The following ZCCHC7 variants were observed in gnomAD, a reference collection of about 807,000 sequenced individuals.
ZCCHC7 encodes the protein zinc finger CCHC-type containing 7.
In ZCCHC7, 35 loss-of-function variants were observed where a neutral mutation model predicts 52.0. The observed-to-expected ratio is 0.67, with a 90% CI of 0.51 to 0.89. The LOEUF is 0.89. ZCCHC7 is among the 40% of genes least tolerant of loss of function. ZCCHC7 has a pLI of 0.00. For missense variants in ZCCHC7, 574 were observed against 649.1 expected (o/e 0.88, Z 1.26); for synonymous variants, 217 against 221.5 (o/e 0.98, Z 0.18).
At chr9:37,315,229 T>A (rs1378341962) in intron 5 of ZCCHC7, among the ~76,000 whole-genome samples, 2 of 152,092 alleles carry the variant, frequency 1.3e-5, no homozygotes. Flanking sequence ...CATACCAGGC[T>A]CTTAACATTG....
At chr9:37,144,705 C>T (rs1271131458) in intron 2 of ZCCHC7, among the ~76,000 whole-genome samples, 4 of 151,936 alleles carry the variant, frequency 2.6e-5, no homozygotes, top group African/African-American at 9.7e-5. Flanking sequence ...ATTCTATCAT[C>T]CAGGTGTTAC....
At chr9:37,122,009 G>A (rs1842336722) in intron 1 of ZCCHC7, among the ~76,000 whole-genome samples, 5 of 152,192 alleles carry the variant, frequency 3.3e-5, no homozygotes, top group Admixed American at 3.3e-4. Context: ...ATTTTACTTT[G>A]AAAGTAAAGT....
At chr9:37,306,921 G>A (rs1829354025) in intron 5 of ZCCHC7, among the ~76,000 whole-genome samples, 1 of 150,806 alleles carries the variant, frequency 6.6e-6, no homozygotes, top group Admixed American at 6.6e-5. Context: ...CCAAGTAGCT[G>A]GGATTACAGG....
chr9:37,196,400 A>C (rs1183373738), intron 2 of ZCCHC7, among the ~76,000 whole-genome samples: 1 of 152,206 alleles, frequency 6.6e-6, no homozygotes, highest in Admixed American at 6.5e-5. Flanking sequence ...GTCCTTTGTC[A>C]CAGGTTGTTC....
At chr9:37,223,257 A>T (rs952801168) in intron 2 of ZCCHC7, among the ~76,000 whole-genome samples, 5 of 152,176 alleles carry the variant, frequency 3.3e-5, no homozygotes, top group African/African-American at 1.2e-4. Context: ...CTATTAAAAG[A>T]TGCATAGAAA....
At chr9:37,206,420 C>T (rs1034383301) in intron 2 of ZCCHC7, among the ~76,000 whole-genome samples, 2 of 151,804 alleles carry the variant, frequency 1.3e-5, no homozygotes, top group African/African-American at 2.4e-5. Flanking sequence ...TGTGGTGGCG[C>T]GATCTTGGCT....
At chr9:37,305,464 T>G in intron 4 of ZCCHC7, 80 bp from the exon 5 acceptor site, 1 of 1,518,978 alleles carries the variant, frequency 6.6e-7, no homozygotes, top group Non-Finnish European at 8.9e-7. Flanking sequence ...AAGATTTTTT[T>G]ATGGGATTAT....
intron 2 of ZCCHC7, among the ~76,000 whole-genome samples, chr9:37,224,843 G>A (rs1042418288): frequency 3.3e-5 from 5 of 152,204 alleles, no homozygotes; most frequent in Non-Finnish European, 7.3e-5. Context: ...TGTGTGACAA[G>A]AAATTACCCA....
chr9:37,316,186 A>G (rs2117905025), intron 5 of ZCCHC7, among the ~76,000 whole-genome samples: 1 of 152,092 alleles, frequency 6.6e-6, no homozygotes, highest in South Asian at 2.1e-4. Context: ...CAGCCTCCCA[A>G]GTACCTGGGA....
intron 2 of ZCCHC7, among the ~76,000 whole-genome samples, chr9:37,154,465 A>G (rs533396075): frequency 1.8e-4 from 28 of 152,232 alleles, no homozygotes; most frequent in African/African-American, 6.5e-4. Flanking sequence ...CATTTACTCT[A>G]TCAGTTAATT....
intron 1 of ZCCHC7, among the ~76,000 whole-genome samples, chr9:37,123,193 GTGTGTGT>G (rs1842396719): frequency 1.1e-3 from 2 of 1,820 alleles, no homozygotes; most frequent in Non-Finnish European, 2.0e-3. Flanking sequence ...AGTCAAGGGT[GTGTGTGT>G]GTGTGTGTGT....
intron 2 of ZCCHC7, among the ~76,000 whole-genome samples, chr9:37,227,098 G>A (rs767480359): frequency 6.6e-6 from 1 of 150,964 alleles, no homozygotes; most frequent in Non-Finnish European, 1.5e-5. Context: ...GATACAAAAG[G>A]CACAAGCTAT....
chr9:37,278,485 G>A (rs772674858), intron 2 of ZCCHC7, among the ~76,000 whole-genome samples: 11 of 152,014 alleles, frequency 7.2e-5, no homozygotes, highest in Non-Finnish European at 1.6e-4. Context: ...AAATTCAAAA[G>A]AGCAGTGCCC....
chr9:37,289,371 G>A (rs183446429), intron 2 of ZCCHC7, among the ~76,000 whole-genome samples: 2 of 152,024 alleles, frequency 1.3e-5, no homozygotes, highest in African/African-American at 2.4e-5. Context: ...GGCTGGTCTC[G>A]AACTACTGAC....
At chr9:37,256,642 G>A (rs1826600877) in intron 2 of ZCCHC7, among the ~76,000 whole-genome samples, 1 of 152,048 alleles carries the variant, frequency 6.6e-6, no homozygotes, top group African/African-American at 2.4e-5. Context: ...ATGATGAAAC[G>A]GGAAGTACTG....
intron 5 of ZCCHC7, 90 bp from the exon 6 acceptor site, chr9:37,327,709 A>C: frequency 8.0e-6 from 11 of 1,368,408 alleles, no homozygotes; most frequent in Non-Finnish European, 1.1e-5. Context: ...CCTGTGACCG[A>C]CACCGGTGGA....
intron 2 of ZCCHC7, among the ~76,000 whole-genome samples, chr9:37,272,131 T>G (rs1827446708): frequency 6.6e-6 from 1 of 152,198 alleles, no homozygotes; most frequent in Non-Finnish European, 1.5e-5. Flanking sequence ...CATTAATGAT[T>G]TTATCTACTA....
chr9:37,294,756 G>A (rs1001906856), intron 2 of ZCCHC7, among the ~76,000 whole-genome samples: 1 of 151,828 alleles, frequency 6.6e-6, no homozygotes, highest in African/African-American at 2.4e-5. Flanking sequence ...ATTATTCATA[G>A]TATTCAAGTT....
chr9:37,227,594 C>T (rs1187116666), intron 2 of ZCCHC7, among the ~76,000 whole-genome samples: 3 of 152,082 alleles, frequency 2.0e-5, no homozygotes, highest in Non-Finnish European at 4.4e-5. Flanking sequence ...AGGTATTTAC[C>T]CAAGAGAACT....
Sources: gnomAD v4.1 joint callset for allele counts (sites outside exome capture counted in the v4.1 genomes callset) on GRCh38, gnomAD v4.1.1 for gene constraint, MANE v1.5 for transcripts, NCBI Gene and HGNC (gene_info 2026-07-23, HGNC 2026-07-21) for gene names.